DLGAP2: variants seen among roughly 807,000 people sequenced by gnomAD.
DLGAP2 encodes the protein DLG associated protein 2, also known as disks large-associated protein 2.
Under a neutral mutation model 100.3 loss-of-function variants are expected in DLGAP2, and 26 were observed. The observed-to-expected ratio is 0.26, with a 90% CI of 0.19 to 0.36. The LOEUF is 0.36. DLGAP2 is among the 10% of genes least tolerant of loss of function. The pLI is 1.00. For synonymous variants in DLGAP2, 886 were observed against 630.1 expected (o/e 1.41, Z -6.08); for missense variants, 1,858 against 1,453.2 (o/e 1.28, Z -4.53).
intron 2 of DLGAP2, among the ~76,000 whole-genome samples, chr8:1,197,047 G>T (rs1212108121): frequency 6.6e-6 from 1 of 152,126 alleles, no homozygotes; most frequent in Non-Finnish European, 1.5e-5. Flanking sequence ...AGGAGATGGA[G>T]GCCTCGCCCA....
At chr8:1,671,741 C>T (rs1237167284) in intron 10 of DLGAP2, among the ~76,000 whole-genome samples, 1 of 152,244 alleles carries the variant, frequency 6.6e-6, no homozygotes, top group Non-Finnish European at 1.5e-5. Flanking sequence ...GCGGCAAGTC[C>T]CCTGTTCCTC....
intron 2 of DLGAP2, among the ~76,000 whole-genome samples, chr8:1,180,463 G>C (rs1253303518): frequency 6.6e-6 from 1 of 152,194 alleles, no homozygotes; most frequent in East Asian, 1.9e-4. Context: ...CGTGTGCCTG[G>C]GATCTCAGGC....
intron 3 of DLGAP2, among the ~76,000 whole-genome samples, chr8:1,407,020 C>T (rs1796580798): frequency 3.4e-5 from 1 of 29,446 alleles, no homozygotes; most frequent in Non-Finnish European, 5.5e-5. Flanking sequence ...CCTCCAGAGT[C>T]GTGTATTGAG....
At chr8:1,409,475 A>C (rs1345881923) in intron 3 of DLGAP2, among the ~76,000 whole-genome samples, 1 of 152,250 alleles carries the variant, frequency 6.6e-6, no homozygotes, top group Non-Finnish European at 1.5e-5. Context: ...GATTTCAGAA[A>C]TTCTCCAGAC....
chr8:758,435 T>C (rs1482625816), intron 1 of DLGAP2, among the ~76,000 whole-genome samples: 1 of 152,152 alleles, frequency 6.6e-6, no homozygotes, highest in Admixed American at 6.6e-5. Context: ...AAAGTAACAT[T>C]TGCGTATAGT....
At chr8:759,176 ATCAATACCCCCGACAG>A (rs1243377494) in intron 1 of DLGAP2, among the ~76,000 whole-genome samples, 12 of 94,752 alleles carry the variant, frequency 1.3e-4, no homozygotes, top group South Asian at 5.6e-4. Context: ...CCTTCCCGTT[ATCAATACCCCCGACAG>A]CCTTCCCATT....
rs145564062 is a variant in DLGAP2, at chr8:1,363,113, T to A, written c.106+104230T>A. Among the ~76,000 whole-genome samples the A allele has an allele frequency of 5.8e-3, 889 of 152,304 alleles. 7 individuals are homozygous for A. The highest frequency in any genetic ancestry group is 0.02 in the African/African-American group (850 of 41,566). ...TCATTTTTAGAAGTTGGCAAGTAATTCATAAAAAGAAAATACCATGTGGGC... is the reference window on the plus strand; with the variant it reads ...TCATTTTTAGAAGTTGGCAAGTAATACATAAAAAGAAAATACCATGTGGGC... On this transcript the variant is annotated intron_variant, in intron 3 of 14. Transcript: ENST00000637795.
In DLGAP2 at chr8:1,011,120, G is replaced by A. The variant is rs1055645412; in HGVS notation, c.73+103154G>A. Among the ~76,000 whole-genome samples the A allele has an allele frequency of 5.6e-5, 8 of 143,962 alleles. No individual in the cohort carries two copies. In the South Asian group the frequency reaches 7.0e-4, roughly 13 times the overall value. The allele number at this position is 143,962 out of a possible 152,430, so 94.4% of individuals were successfully genotyped here. On this transcript the variant is annotated intron_variant, in intron 2 of 14. Transcript: ENST00000637795. ...GTACCTTAGTCTGCACAGTGAGCCC[G>A]GGCGAAGGGCCTCAGTCTACACAGT...
At chr8:1,455,884 C>G (rs1798297915) in intron 3 of DLGAP2, among the ~76,000 whole-genome samples, 1 of 152,228 alleles carries the variant, frequency 6.6e-6, no homozygotes, top group African/African-American at 2.4e-5. Context: ...GTCTTGTTCA[C>G]TGTCTCGGCC....
intron 2 of DLGAP2, among the ~76,000 whole-genome samples, chr8:1,175,859 A>G (rs1427680460): frequency 4.6e-5 from 7 of 152,226 alleles, no homozygotes; most frequent in African/African-American, 1.7e-4. Context: ...AACCTAGATT[A>G]AAACCCTGTG....
At chr8:793,674 T>G (rs2132642970) in intron 1 of DLGAP2, among the ~76,000 whole-genome samples, 1 of 152,384 alleles carries the variant, frequency 6.6e-6, no homozygotes, top group South Asian at 2.1e-4. Context: ...TTGCATTTTG[T>G]GCAATTTCCT....
chr8:1,551,649 C>G (rs1801769909), intron 5 of DLGAP2, among the ~76,000 whole-genome samples: 1 of 152,188 alleles, frequency 6.6e-6, no homozygotes, highest in African/African-American at 2.4e-5. Context: ...ACCGTCAGCC[C>G]CTTTCAAAAA....
intron 3 of DLGAP2, among the ~76,000 whole-genome samples, chr8:1,393,024 C>T (rs565550403): frequency 1.4e-4 from 8 of 58,704 alleles, no homozygotes; most frequent in African/African-American, 5.6e-4. Flanking sequence ...CCTCCTTGTC[C>T]TCCTGAGTCG....
intron 8 of DLGAP2, among the ~76,000 whole-genome samples, chr8:1,660,580 A>G (rs1455394915): frequency 6.6e-6 from 1 of 152,164 alleles, no homozygotes; most frequent in Non-Finnish European, 1.5e-5. Context: ...TGTATTGCTA[A>G]ATGTTTCTTT....
intron 3 of DLGAP2, among the ~76,000 whole-genome samples, chr8:1,282,378 A>G (rs1417908056): frequency 8.3e-6 from 1 of 120,490 alleles, no homozygotes; most frequent in Non-Finnish European, 1.7e-5. Flanking sequence ...TGAACCCAGC[A>G]CCTGAAGCAT....
chr8:919,038 T>C (rs1032845350), intron 2 of DLGAP2, among the ~76,000 whole-genome samples: 1 of 152,300 alleles, frequency 6.6e-6, no homozygotes, highest in Non-Finnish European at 1.5e-5. Flanking sequence ...GTTCCTGGGC[T>C]CAAGTGATCC....
Position 1,495,058 on chromosome 8 carries a change from T to C in DLGAP2, c.107-6308T>C, listed in dbSNP as rs111289434. Among the ~76,000 whole-genome samples, 1,084 of 152,288 alleles carry C rather than the reference T, an allele frequency of 7.1e-3. 10 individuals carry two copies. Among genetic ancestry groups the C allele is most frequent in the African/African-American group, 0.024 (1,007 of 41,562 alleles). Reference sequence around the variant, plus strand: ...TTCATCAATTCTCCATAATGAGGCATTGCCAGGACCGACACCAGGTGGCAG... The same window carrying C: ...TTCATCAATTCTCCATAATGAGGCACTGCCAGGACCGACACCAGGTGGCAG... On this transcript the variant is annotated intron_variant, in intron 3 of 14. Coordinates refer to ENST00000637795, the MANE Select transcript of DLGAP2 (RefSeq NM_001346810.2).
intron 2 of DLGAP2, among the ~76,000 whole-genome samples, chr8:918,629 G>T (rs567192695): frequency 1.3e-5 from 2 of 152,288 alleles, no homozygotes; most frequent in African/African-American, 4.8e-5. Context: ...GATACCTTGT[G>T]GATAAAATAC....
intron 1 of DLGAP2, among the ~76,000 whole-genome samples, chr8:780,264 T>G (rs985131486): frequency 3.3e-5 from 5 of 152,232 alleles, no homozygotes; most frequent in African/African-American, 1.2e-4. Flanking sequence ...TGTGCCTGGC[T>G]TTTTTCACTC....
Sources: gnomAD v4.1 joint callset for allele counts (sites outside exome capture counted in the v4.1 genomes callset) on GRCh38, gnomAD v4.1.1 for gene constraint, MANE v1.5 for transcripts, NCBI Gene and HGNC (gene_info 2026-07-23, HGNC 2026-07-21) for gene names.